Variants in ACCSL observed in about 807,000 individuals in gnomAD.
ACCSL encodes the protein 1-aminocyclopropane-1-carboxylate synthase homolog (inactive) like.
ACCSL carries 55 observed loss-of-function variants against 61.7 expected under a neutral mutation model. The ratio of observed to expected loss-of-function variants is 0.89; its 90% CI spans 0.72 to 1.12. The LOEUF is 1.12. ACCSL is among the 50% of genes most tolerant of loss of function. The pLI is 0.00. For synonymous variants in ACCSL, 258 were observed against 264.3 expected (o/e 0.98, Z 0.23); for missense variants, 632 against 698.0 (o/e 0.91, Z 1.07).
intron 8 of ACCSL, among the ~76,000 whole-genome samples, chr11:44,054,784 T>G (rs191133469): frequency 1.4e-4 from 22 of 152,240 alleles, no homozygotes; most frequent in African/African-American, 5.1e-4. Flanking sequence ...AAAATGGAGA[T>G]GACAGTACTG....
the ACCSL span, among the ~76,000 whole-genome samples, chr11:44,035,994 G>A: frequency 2.6e-5 from 4 of 151,942 alleles, no homozygotes; most frequent in Admixed American, 1.3e-4. Context: ...AGTTCCGAGG[G>A]GGCTGGAGCA....
At chr11:44,044,033 G>T (rs2134759646), upstream of ACCSL, among the ~76,000 whole-genome samples, 1 of 152,206 alleles carries the variant, frequency 6.6e-6, no homozygotes, top group South Asian at 2.1e-4. Flanking sequence ...TTTTCTATAT[G>T]CTGGACACAA....
the ACCSL span, among the ~76,000 whole-genome samples, chr11:44,003,123 T>C: frequency 6.6e-6 from 1 of 152,200 alleles, no homozygotes; most frequent in African/African-American, 2.4e-5. Context: ...AGAAAAGTAA[T>C]TGCATTAGGA....
chr11:44,038,304 C>G, the ACCSL span, among the ~76,000 whole-genome samples: 6 of 152,072 alleles, frequency 3.9e-5, no homozygotes, highest in African/African-American at 1.4e-4. Flanking sequence ...ACGCTGGATT[C>G]ATGTTAGAGC....
chr11:43,953,735 A>C, the ACCSL span, among the ~76,000 whole-genome samples: 2 of 152,094 alleles, frequency 1.3e-5, no homozygotes, highest in Admixed American at 1.3e-4. Context: ...AAAAGGGGAG[A>C]AGCCCTGAAC....
the ACCSL span, among the ~76,000 whole-genome samples, chr11:43,945,951 A>C: frequency 6.6e-6 from 1 of 152,238 alleles, no homozygotes; most frequent in East Asian, 1.9e-4. Context: ...GAGGTTATTG[A>C]GGGGACCATA....
At chr11:43,950,557 G>A in the ACCSL span, among the ~76,000 whole-genome samples, 3 of 152,212 alleles carry the variant, frequency 2.0e-5, no homozygotes, top group Non-Finnish European at 4.4e-5. Flanking sequence ...TGCAGCCAAT[G>A]TATACATCCC....
chr11:44,034,136 T>C, the ACCSL span, among the ~76,000 whole-genome samples: 1 of 152,094 alleles, frequency 6.6e-6, no homozygotes, highest in African/African-American at 2.4e-5. Context: ...GCTGTGGTCA[T>C]TATCATCCCC....
At chr11:43,941,092 C>T in the ACCSL span, among the ~76,000 whole-genome samples, 3 of 152,138 alleles carry the variant, frequency 2.0e-5, no homozygotes, top group South Asian at 2.1e-4. Context: ...ATTGAGTTCA[C>T]GCATCAAAAG....
chr11:44,051,315 C>T lies in ACCSL; in HGVS notation c.636-20C>T, dbSNP rs1565158566. 1 of 1,614,134 alleles carries T rather than the reference C, an allele frequency of 6.2e-7. No individual in the cohort carries two copies. Among genetic ancestry groups the T allele is most frequent in the Non-Finnish European group, 8.5e-7 (1 of 1,179,962 alleles). ...GAAAGGGGCCCGGAAGCCACAAGGT[C>T]TCTCTGGGTCTGTTTACAGCCTGCG... is the stretch of plus-strand genomic sequence containing the variant. On this transcript the variant is annotated intron_variant, in intron 3 of 13. Transcript: ENST00000378832.
chr11:44,059,932 C>T lies in ACCSL; in HGVS notation c.*12C>T, dbSNP rs1952697524. 2 of 1,612,568 alleles carry T rather than the reference C, an allele frequency of 1.2e-6. No individual in the cohort carries two copies. Among genetic ancestry groups the T allele is most frequent in the African/African-American group, 2.7e-5 (2 of 74,902 alleles). On this transcript the variant is annotated 3_prime_UTR_variant, in exon 14 of 14. Transcript: ENST00000378832. ...CAATGAGGGAGTAGGCCGTCTGCCT[C>T]CCAACCAGCAGTTCCAGCCCATCAC...
At chr11:43,989,770 T>G in the ACCSL span, among the ~76,000 whole-genome samples, 2 of 152,232 alleles carry the variant, frequency 1.3e-5, no homozygotes, top group Non-Finnish European at 2.9e-5. Context: ...GCCTTGCTGT[T>G]GGTGGCTGCC....
At chr11:43,949,828 AAAC>A in the ACCSL span, among the ~76,000 whole-genome samples, 85 of 150,660 alleles carry the variant, frequency 5.6e-4, no homozygotes, top group East Asian at 1.2e-3. Flanking sequence ...AAAAACAAAC[AAAC>A]AACAACAACA....
the ACCSL span, chr11:43,943,862 G>C: frequency 7.9e-7 from 1 of 1,271,082 alleles, no homozygotes; most frequent in East Asian, 5.6e-5. The surrounding 1 kb of genome is among the most constrained non-coding windows in gnomAD (Gnocchi z 4.8). Context: ...GACAAATAAA[G>C]TCAATATATT....
At chr11:44,044,135 C>T (rs905131125), upstream of ACCSL, among the ~76,000 whole-genome samples, 10 of 152,250 alleles carry the variant, frequency 6.6e-5, no homozygotes, top group East Asian at 1.9e-4. Flanking sequence ...CACCAAAATA[C>T]GGTATGATTT....
intron 11 of ACCSL, among the ~76,000 whole-genome samples, chr11:44,057,903 T>G (rs1352494817): frequency 6.6e-6 from 1 of 152,230 alleles, no homozygotes; most frequent in Non-Finnish European, 1.5e-5. Context: ...CAGGGTGCAG[T>G]GGCTAACACC....
At chr11:43,999,661 C>A in the ACCSL span, among the ~76,000 whole-genome samples, 1 of 152,064 alleles carries the variant, frequency 6.6e-6, no homozygotes, top group East Asian at 1.9e-4. Flanking sequence ...CGGTTAGAAG[C>A]CAGCTACTAT....
At chr11:43,943,202 C>T in the ACCSL span, 1 of 1,524,176 alleles carries the variant, frequency 6.6e-7, no homozygotes, top group Non-Finnish European at 8.8e-7. The surrounding 1 kb of genome is among the most constrained non-coding windows in gnomAD (Gnocchi z 4.8). Flanking sequence ...CCTGTCGCTG[C>T]AGCGGGAGCA....
chr11:44,041,061 A>G, the ACCSL span, among the ~76,000 whole-genome samples: 1 of 152,326 alleles, frequency 6.6e-6, no homozygotes, highest in African/African-American at 2.4e-5. Context: ...CATAAAATAC[A>G]TAAGGAACCT....
Sources: allele counts gnomAD v4.1 joint callset (sites outside exome capture counted in the v4.1 genomes callset), GRCh38; gene constraint gnomAD v4.1.1; non-coding constraint Gnocchi (gnomAD v3.1); transcripts MANE v1.5; gene names NCBI Gene and HGNC (gene_info 2026-07-23, HGNC 2026-07-21).